The following PRPF4 variants were observed in gnomAD, a reference collection of about 807,000 sequenced individuals.
PRPF4 encodes the protein U4/U6 small nuclear ribonucleoprotein Prp4.
PRPF4 carries 14 observed loss-of-function variants against 72.2 expected under a neutral mutation model. The ratio of observed to expected loss-of-function variants is 0.19; its 90% CI spans 0.13 to 0.30. The LOEUF is 0.30. PRPF4 is among the 10% of genes least tolerant of loss of function. The probability of loss-of-function intolerance (pLI) is 1.00; values close to 1 mark genes in which losing one functional copy is unlikely to be tolerated. For synonymous variants in PRPF4, 225 were observed against 232.2 expected, an observed-to-expected ratio of 0.97 and a Z score of 0.28; for missense variants, 478 against 653.9, an observed-to-expected ratio of 0.73 and a Z score of 2.93.
chr9:113,287,545 A>G (rs552114334), intron 9 of PRPF4, among the ~76,000 whole-genome samples: 1 of 151,384 alleles, frequency 6.6e-6, no homozygotes, highest in East Asian at 1.9e-4. Context: ...TTAATTGTTT[A>G]GTTTTCTTTC....
At chr9:113,280,086 A>G (rs556008450) in intron 3 of PRPF4, among the ~76,000 whole-genome samples, 5 of 152,034 alleles carry the variant, frequency 3.3e-5, no homozygotes, top group African/African-American at 4.8e-5. Context: ...AACCCCTACC[A>G]CATTAAAATT....
intron 3 of PRPF4, among the ~76,000 whole-genome samples, chr9:113,279,412 T>A (rs573246539): frequency 2.7e-4 from 41 of 152,174 alleles, no homozygotes; most frequent in African/African-American, 9.9e-4. Flanking sequence ...CACCCAGGCT[T>A]GAGTGCAGCG....
At chr9:113,278,781 G>T (rs12342549) in intron 2 of PRPF4, among the ~76,000 whole-genome samples, 164 bp from the exon 3 acceptor site, 13,680 of 152,248 alleles carry the variant, frequency 0.09, 927 homozygotes, top group African/African-American at 0.18. Flanking sequence ...TGTCATTTAG[G>T]TTTATGTGTT....
intron 10 of PRPF4, among the ~76,000 whole-genome samples, chr9:113,290,229 A>AG (rs1832569280): frequency 6.7e-6 from 1 of 149,600 alleles, no homozygotes; most frequent in African/African-American, 2.4e-5. Context: ...CAAAAGAAGA[A>AG]AAAAAAAAAA....
chr9:113,282,772 G>GA (rs1356677703), intron 4 of PRPF4, 39 bp downstream of exon 4: 1 of 1,447,580 alleles, frequency 6.9e-7, no homozygotes, highest in Non-Finnish European at 9.6e-7. Flanking sequence ...AAACATGAAG[G>GA]AAATGAGGGG....
At position 113,283,493 on chromosome 9, in the gene PRPF4, C is replaced by T; in HGVS notation, c.654+11C>T. Reference sequence around the variant, plus strand: ...CACAAGTCTCTCCGGGTAAGATGCTCCCAGCAATTGTCCCACATCTTAAAG... The same window carrying T: ...CACAAGTCTCTCCGGGTAAGATGCTTCCAGCAATTGTCCCACATCTTAAAG... On this transcript the variant is annotated intron_variant, in intron 6 of 13. Coordinates refer to ENST00000374198, the MANE Select transcript of PRPF4 (RefSeq NM_001244926.2). The T allele has an allele frequency of 6.2e-7, 1 of 1,613,160 alleles. No homozygotes were observed. The highest frequency in any genetic ancestry group is 8.5e-7 in the Non-Finnish European group (1 of 1,179,338).
rs1479676871 is a variant in PRPF4, at chr9:113,288,314, T to G, written c.1022+50T>G. ...TCCATATAGGCCTGTAGCATCTTCT[T>G]AACCCTTTATGGCTATCTGCCAGGT... On this transcript the variant is annotated intron_variant, in intron 10 of 13. Coordinates refer to ENST00000374198, the MANE Select transcript of PRPF4 (RefSeq NM_001244926.2). 1.0e-5 allele frequency: 16 copies of G among 1,543,168 alleles called. No homozygotes were observed. In the East Asian group the frequency reaches 3.4e-4, roughly 33 times the overall value.
rs142416060 is a variant in PRPF4 at position 113,280,798 on chromosome 9, G to A, written c.392+1667G>A. Among the ~76,000 whole-genome samples the A allele has an allele frequency of 4.2e-3, 636 of 152,162 alleles. 1 individual carries two copies. The highest frequency in any genetic ancestry group is 6.3e-3 in the Non-Finnish European group (431 of 67,994). Reference sequence around the variant, plus strand: ...CTTTTTATGTCTTTCCACATAATTGGTCTACTTTTATTCTTCTGTCTTGTC... The same window carrying A: ...CTTTTTATGTCTTTCCACATAATTGATCTACTTTTATTCTTCTGTCTTGTC... On this transcript the variant is annotated intron_variant, in intron 3 of 13. Transcript: ENST00000374198.
At chr9:113,283,051 C>A (rs917436129) in intron 4 of PRPF4, 81 bp from the exon 5 acceptor site, 5 of 1,593,820 alleles carry the variant, frequency 3.1e-6, no homozygotes, top group African/African-American at 2.7e-5. Flanking sequence ...TCCTTCTGGG[C>A]AGTTAAAATG....
At chr9:113,276,519 T>G (rs1472349292) in intron 1 of PRPF4, 29 bp from the exon 2 acceptor site, 3 of 1,611,028 alleles carry the variant, frequency 1.9e-6, no homozygotes, top group Non-Finnish European at 2.5e-6. Flanking sequence ...GATTAAACCT[T>G]AGTTTAATGC....
chr9:113,289,126 T>C (rs1013093621), intron 10 of PRPF4, among the ~76,000 whole-genome samples: 3 of 152,230 alleles, frequency 2.0e-5, no homozygotes, highest in African/African-American at 7.2e-5. Context: ...GTGAATTCAT[T>C]TGTGGCAGGC....
intron 2 of PRPF4, among the ~76,000 whole-genome samples, chr9:113,278,401 C>T (rs1456818178): frequency 5.9e-5 from 9 of 152,252 alleles, no homozygotes; most frequent in East Asian, 1.9e-4. Flanking sequence ...TTAAACATAA[C>T]GTCACCACTG....
intron 7 of PRPF4, among the ~76,000 whole-genome samples, chr9:113,285,509 G>A (rs1344149293): frequency 2.0e-5 from 3 of 150,388 alleles, no homozygotes. Flanking sequence ...CTCCCAAGTA[G>A]CTGGGACTAC....
intron 3 of PRPF4, among the ~76,000 whole-genome samples, chr9:113,282,023 TC>T (rs1564247378): frequency 6.6e-6 from 1 of 152,346 alleles, no homozygotes; most frequent in South Asian, 2.1e-4. Context: ...AAGTTGGCAG[TC>T]TTCACAGACC....
rs2418249 is a variant in PRPF4 at position 113,291,760 on chromosome 9, C to T, written c.*100C>T. 0.088 allele frequency: 105,950 copies of T among 1,205,102 alleles called. 7,400 individuals are homozygous for T. The highest frequency in any genetic ancestry group is 0.37 in the East Asian group (14,439 of 38,980). 74.7% of individuals were successfully genotyped at this position (1,205,102 alleles called of 1,614,324 possible). A position where few individuals can be genotyped will look rare whatever the true frequency, so the allele number is the denominator to read the frequency against. On this transcript the variant is annotated 3_prime_UTR_variant, in exon 14 of 14. Coordinates refer to ENST00000374198, the MANE Select transcript of PRPF4 (RefSeq NM_001244926.2). Reference sequence around the variant, plus strand: ...TGTTTAGTTCTATCATGTTTTCTGCCAATTACCATGCATAGACCCTCAGTA... The same window carrying T: ...TGTTTAGTTCTATCATGTTTTCTGCTAATTACCATGCATAGACCCTCAGTA...
rs1262437912 is a variant in PRPF4 at position 113,284,373 on chromosome 9, C to T, written c.733C>T (p.Leu245=). The T allele has an allele frequency of 1.2e-6, 2 of 1,610,776 alleles. No homozygotes were observed. The highest frequency in any genetic ancestry group is 1.7e-6 in the Non-Finnish European group (2 of 1,177,094). ...TCACTTTAGTCCCAATTCCAAGATGCTGGCCACAGCTTGTTGGTAAGTTCC... is the reference window on the plus strand; with the variant it reads ...TCACTTTAGTCCCAATTCCAAGATGTTGGCCACAGCTTGTTGGTAAGTTCC... ...YCHFSPNSKM[L]ATACWSGLCK... is the part of the protein sequence containing the mutation. The change falls in exon 7 of 14, where the codon CTG becomes TTG. Residue 245 remains leucine (L), a synonymous_variant. Coordinates refer to ENST00000374198, the MANE Select transcript of PRPF4 (RefSeq NM_001244926.2).
chr9:113,286,800 G>A lies in PRPF4; in HGVS notation c.904G>A (p.Gly302Ser). The change falls in exon 9 of 14, where the codon GGC becomes AGC. Residue 302 changes from glycine to serine, a missense_variant. Coordinates refer to ENST00000374198, the MANE Select transcript of PRPF4 (RefSeq NM_001244926.2). ...DVNLASCAADGSVKLWSLDSD... is the reference protein window; with the variant it reads ...DVNLASCAADSSVKLWSLDSD... ...CAACCTGGCCTCTTGTGCGGCTGAT[G>A]GCTCTGTGAAGCTTTGGAGTCTCGA... The A allele has an allele frequency of 1.2e-6, 2 of 1,614,164 alleles. No individual in the cohort carries two copies. Among genetic ancestry groups the A allele is most frequent in the Non-Finnish European group, 1.7e-6 (2 of 1,180,014 alleles).
At chr9:113,276,441 A>T in intron 1 of PRPF4, 107 bp from the exon 2 acceptor site, 1 of 1,248,962 alleles carries the variant, frequency 8.0e-7, no homozygotes. Context: ...CCTTTCAATT[A>T]CAGAGGAAAC....
Position 113,276,529 on chromosome 9 carries a change from C to T in PRPF4, c.28-19C>T, listed in dbSNP as rs1405928233. 16 of 1,613,788 alleles carry T rather than the reference C, an allele frequency of 9.9e-6. No homozygotes were observed. The highest frequency in any genetic ancestry group is 1.4e-5 in the Non-Finnish European group (16 of 1,179,748). On this transcript the variant is annotated intron_variant, in intron 1 of 13. Transcript: ENST00000374198. ...GCCAAGATTAAACCTTAGTTTAATG[C>T]AGATCTTTGATTTAGCAGGCAACCA...
Sources: gnomAD v4.1 joint callset for allele counts (sites outside exome capture counted in the v4.1 genomes callset) on GRCh38, gnomAD v4.1.1 for gene constraint, MANE v1.5 for transcripts, NCBI Gene and HGNC (gene_info 2026-07-23, HGNC 2026-07-21) for gene names.